SMC1B: variants seen among roughly 807,000 people sequenced by gnomAD.
SMC1B encodes the protein structural maintenance of chromosomes 1B.
SMC1B carries 60 observed loss-of-function variants against 157.9 expected under a neutral mutation model. The observed-to-expected ratio is 0.38, with a 90% CI of 0.31 to 0.47. SMC1B has a LOEUF of 0.47. Ranked by LOEUF, SMC1B falls within the 20% of genes least tolerant of loss-of-function variation. The pLI is 0.99. For synonymous variants in SMC1B, 445 were observed against 483.0 expected, an observed-to-expected ratio of 0.92 and a Z score of 1.03; for missense variants, 1,165 against 1,426.2, an observed-to-expected ratio of 0.82 and a Z score of 2.95.
At chr22:45,364,946 T>C (rs927846158) in intron 15 of SMC1B, among the ~76,000 whole-genome samples, 4 of 151,172 alleles carry the variant, frequency 2.6e-5, no homozygotes, top group African/African-American at 7.3e-5. Context: ...CACGCCATTC[T>C]GCTGCCTCAG....
In SMC1B at chr22:45,349,529, A is replaced by T. The variant is rs71328695; in HGVS notation, c.3495+199T>A. ...TTTTGTATTTTTAGTAGAGACGGAG[A>T]TTCACCATGTTGGTCAGGCTGGTCT... On this transcript the variant is annotated intron_variant, in intron 23 of 24. Coordinates refer to ENST00000357450, the MANE Select transcript of SMC1B (RefSeq NM_148674.5). 8.2e-4 allele frequency among the ~76,000 whole-genome samples: 5 copies of T among 6,072 alleles called. 2 individuals carry two copies. Among genetic ancestry groups the T allele is most frequent in the African/African-American group, 2.2e-3 (2 of 890 alleles). 4.0% of individuals were successfully genotyped at this position (6,072 alleles called of 152,430 possible). A position where few individuals can be genotyped will look rare whatever the true frequency, so the allele number is the denominator to read the frequency against.
chr22:45,361,757 A>T, intron 17 of SMC1B, 82 bp downstream of exon 17: 2 of 1,330,154 alleles, frequency 1.5e-6, no homozygotes, highest in Non-Finnish European at 2.1e-6. Context: ...TTCAAATGCA[A>T]CTCATTTCAT....
At chr22:45,399,462 C>T in intron 5 of SMC1B, 109 bp from the exon 6 acceptor site, 2 of 1,052,162 alleles carry the variant, frequency 1.9e-6, no homozygotes, top group Non-Finnish European at 2.7e-6. Context: ...TAAAAATCAA[C>T]TTTCAGAGAC....
intron 23 of SMC1B, among the ~76,000 whole-genome samples, chr22:45,347,189 T>A (rs2086560852): frequency 6.6e-6 from 1 of 152,202 alleles, no homozygotes; most frequent in South Asian, 2.1e-4. Context: ...CTCAAGATGC[T>A]CTTCTTTCCT....
chr22:45,385,619 TATATG>T (rs1323198788), intron 11 of SMC1B, among the ~76,000 whole-genome samples: 10 of 152,144 alleles, frequency 6.6e-5, no homozygotes, highest in Non-Finnish European at 1.5e-4. Context: ...AAATATTTGT[TATATG>T]AAGGAATAAG....
chr22:45,396,103 T>C (rs2087120505), intron 7 of SMC1B, among the ~76,000 whole-genome samples: 2 of 152,222 alleles, frequency 1.3e-5, no homozygotes, highest in African/African-American at 4.8e-5. Context: ...ACAAATGTTT[T>C]AAAAGTAATT....
At chr22:45,388,204 A>T (rs2087011892) in intron 10 of SMC1B, among the ~76,000 whole-genome samples, 1 of 152,174 alleles carries the variant, frequency 6.6e-6, no homozygotes, top group Admixed American at 6.5e-5. Context: ...TTAATAAAAC[A>T]AAACAAAACA....
chr22:45,406,450 G>A lies in SMC1B; in HGVS notation c.615+10C>T. 1 of 1,599,888 alleles carries A rather than the reference G, an allele frequency of 6.3e-7. No individual in the cohort carries two copies. The highest frequency in any genetic ancestry group is 8.5e-7 in the Non-Finnish European group (1 of 1,175,324). ...CAACAACTAATGGTTACATCTTCATGACATCTTACCTCTTCCTTCTCTAAT... is the reference window on the plus strand; with the variant it reads ...CAACAACTAATGGTTACATCTTCATAACATCTTACCTCTTCCTTCTCTAAT... On this transcript the variant is annotated intron_variant, in intron 4 of 24. Coordinates refer to ENST00000357450, the MANE Select transcript of SMC1B (RefSeq NM_148674.5).
intron 24 of SMC1B, 37 bp downstream of exon 24, chr22:45,345,422 A>C: frequency 7.3e-7 from 1 of 1,377,084 alleles, no homozygotes; most frequent in Non-Finnish European, 1.0e-6. Context: ...GGAAGTTGGC[A>C]TTGGGTACAC....
intron 12 of SMC1B, among the ~76,000 whole-genome samples, chr22:45,372,983 G>T (rs1434099871): frequency 6.6e-6 from 1 of 151,958 alleles, no homozygotes; most frequent in Non-Finnish European, 1.5e-5. Flanking sequence ...ACAGTGCTGG[G>T]ATTACAGGCG....
intron 12 of SMC1B, among the ~76,000 whole-genome samples, chr22:45,379,663 A>G (rs2086915834): frequency 7.0e-6 from 1 of 142,786 alleles, no homozygotes; most frequent in African/African-American, 2.6e-5. Context: ...CTATTCGTTT[A>G]TTATAATTAG....
At chr22:45,378,568 G>A (rs977111425) in intron 12 of SMC1B, among the ~76,000 whole-genome samples, 6 of 152,100 alleles carry the variant, frequency 3.9e-5, no homozygotes, top group African/African-American at 9.7e-5. Context: ...GCATAAAAGC[G>A]TGTAACTTAG....
intron 23 of SMC1B, among the ~76,000 whole-genome samples, chr22:45,348,603 C>T (rs1352340825): frequency 6.6e-6 from 1 of 152,162 alleles, no homozygotes; most frequent in East Asian, 1.9e-4. Flanking sequence ...TACAGTGATC[C>T]TCATTTGACC....
chr22:45,403,937 T>G (rs1393767824), intron 4 of SMC1B, among the ~76,000 whole-genome samples: 1 of 151,380 alleles, frequency 6.6e-6, no homozygotes, highest in Non-Finnish European at 1.5e-5. Flanking sequence ...TGTTTTTTGT[T>G]TGTTTGTTTG....
At position 45,399,291 on chromosome 22, in the gene SMC1B, G is replaced by A. The variant is rs368564519; in HGVS notation, c.917C>T (p.Ser306Phe). 3.7e-6 allele frequency: 6 copies of A among 1,613,876 alleles called. No individual in the cohort carries two copies. Among genetic ancestry groups the A allele is most frequent in the African/African-American group, 1.3e-5 (1 of 75,014 alleles). The change falls in exon 6 of 25, where the codon TCT becomes TTT. Residue 306 changes from serine to phenylalanine, a missense_variant. Coordinates refer to ENST00000357450, the MANE Select transcript of SMC1B (RefSeq NM_148674.5). Reference sequence around the variant, plus strand: ...CACATCTAATTTCTTAAGGTGGTGAGAAGTGTTTTCTTTGGCTTTAATGTA... The same window carrying A: ...CACATCTAATTTCTTAAGGTGGTGAAAAGTGTTTTCTTTGGCTTTAATGTA... ...PQYIKAKENT[S>F]HHLKKLDVAK...
At position 45,353,920 on chromosome 22, in the gene SMC1B, A is replaced by AAAAAAAAAAAAAAAAAG. The variant is rs2086642340; in HGVS notation, c.3273+57_3273+58insCTTTTTTTTTTTTTTTT. On this transcript the variant is annotated intron_variant, in intron 21 of 24. Transcript: ENST00000357450. Reference sequence around the variant, plus strand: ...AAAAAAAAAAAAAAAAAAAAAAAAAACAACCACCACCGGTAACACAGAATT... The same window carrying AAAAAAAAAAAAAAAAAG: ...AAAAAAAAAAAAAAAAAAAAAAAAAAAAAAAAAAAAAAAAAAGCAACCACCACCGGTAACACAGAATT... 2.5e-6 allele frequency: 2 copies of AAAAAAAAAAAAAAAAAG among 810,642 alleles called. 1 individual carries two copies. Among genetic ancestry groups the AAAAAAAAAAAAAAAAAG allele is most frequent in the Admixed American group, 6.5e-5 (2 of 30,634 alleles). 50.2% of individuals were successfully genotyped at this position (810,642 alleles called of 1,614,324 possible). A position where few individuals can be genotyped will look rare whatever the true frequency, so the allele number is the denominator to read the frequency against.
rs1465099354 is a variant in SMC1B, at chr22:45,399,146, A to G, written c.1062T>C (p.Ile354=). The change falls in exon 6 of 25, where the codon ATT becomes ATC. Residue 354 remains isoleucine (I), a synonymous_variant. Transcript: ENST00000357450. ...GCTTTTTATGTAAAATTTCTTCCTC[A>G]ATCTGCTTTTCAAAACTTCTCCATG... The part of the protein sequence containing the change: ...DAAWRSFEKQ[I]EEEILHKKRD... The G allele has an allele frequency of 1.2e-6, 2 of 1,613,872 alleles. No homozygotes were observed. The highest frequency in any genetic ancestry group is 1.7e-6 in the Non-Finnish European group (2 of 1,179,974).
intron 15 of SMC1B, among the ~76,000 whole-genome samples, chr22:45,366,020 G>C (rs999133312): frequency 1.7e-4 from 26 of 149,808 alleles, no homozygotes; most frequent in African/African-American, 6.6e-4. Context: ...TTTTGGGTTT[G>C]TTTGTTTGTT....
chr22:45,408,407 G>T (rs1388740506), intron 2 of SMC1B, among the ~76,000 whole-genome samples: 9 of 152,172 alleles, frequency 5.9e-5, no homozygotes, highest in Admixed American at 5.9e-4. Context: ...TTACAGGCGT[G>T]AGCCACCATA....
Sources: allele counts gnomAD v4.1 joint callset (sites outside exome capture counted in the v4.1 genomes callset), GRCh38; gene constraint gnomAD v4.1.1; transcripts MANE v1.5; gene names NCBI Gene and HGNC (gene_info 2026-07-23, HGNC 2026-07-21).